HMBOX1: variants seen among roughly 807,000 people sequenced by gnomAD.
HMBOX1 encodes homeobox-containing protein 1.
A neutral mutation model predicts 54.5 loss-of-function variants in HMBOX1; 14 were observed. The observed-to-expected ratio is 0.26, with a 90% CI of 0.17 to 0.40. HMBOX1 has a LOEUF of 0.40. HMBOX1 is among the 10% of genes least tolerant of loss of function. HMBOX1 has a pLI of 1.00. For missense variants in HMBOX1, 332 were observed against 514.4 expected, an observed-to-expected ratio of 0.65 and a Z score of 3.43; for synonymous variants, 160 against 181.0, an observed-to-expected ratio of 0.88 and a Z score of 0.93.
At chr8:29,050,760 T>C (rs927023488) in intron 9 of HMBOX1, 1 of 457,874 alleles carries the variant, frequency 2.2e-6, no homozygotes, top group Non-Finnish European at 3.9e-6. Flanking sequence ...ATCTTATTAA[T>C]AGAATGAATA....
intron 1 of HMBOX1, among the ~76,000 whole-genome samples, chr8:28,908,823 G>A (rs1000787513): frequency 6.6e-6 from 1 of 152,132 alleles, no homozygotes; most frequent in Non-Finnish European, 1.5e-5. Context: ...TCCGGGTGAG[G>A]TGGCTCCTCC....
chr8:29,005,494 G>A (rs957457354), intron 4 of HMBOX1, among the ~76,000 whole-genome samples: 8 of 151,980 alleles, frequency 5.3e-5, no homozygotes, highest in African/African-American at 1.9e-4. Context: ...TATTTCATGA[G>A]CATCTTTCCA....
chr8:29,021,596 CTGTAA>C (rs1307877224), intron 6 of HMBOX1, among the ~76,000 whole-genome samples: 4 of 152,046 alleles, frequency 2.6e-5, no homozygotes, highest in Admixed American at 1.3e-4. Context: ...TGGCTCATGT[CTGTAA>C]TCCCAGCACT....
At chr8:28,892,771 A>C (rs1228784691) in intron 1 of HMBOX1, among the ~76,000 whole-genome samples, 1 of 152,214 alleles carries the variant, frequency 6.6e-6, no homozygotes, top group East Asian at 1.9e-4. Context: ...TCTCAGATGT[A>C]GAATATACAA....
At chr8:29,003,869 A>T (rs1563562986) in intron 4 of HMBOX1, among the ~76,000 whole-genome samples, 1 of 152,102 alleles carries the variant, frequency 6.6e-6, no homozygotes, top group African/African-American at 2.4e-5. Context: ...TTGTGAAATG[A>T]TCTTCTAATT....
At chr8:29,043,820 A>T (rs1027830152) in intron 6 of HMBOX1, among the ~76,000 whole-genome samples, 19 of 152,152 alleles carry the variant, frequency 1.2e-4, no homozygotes, top group African/African-American at 4.1e-4. Flanking sequence ...AGCCATTAGA[A>T]ATGTGAAAGT....
At position 28,963,844 on chromosome 8, in the gene HMBOX1, A is replaced by G; in HGVS notation, c.-24A>G. ...ATAACGCAGATCATCTCTGGAAAGG[A>G]TATTGATCCGCCTCATGTAAAGTAT... On this transcript the variant is annotated 5_prime_UTR_variant, in exon 2 of 10. Coordinates refer to ENST00000287701, the MANE Select transcript of HMBOX1 (RefSeq NM_001135726.3). The G allele has an allele frequency of 6.3e-7, 1 of 1,590,080 alleles. No homozygotes were observed. Among genetic ancestry groups the G allele is most frequent in the Non-Finnish European group, 8.6e-7 (1 of 1,163,684 alleles).
intron 1 of HMBOX1, among the ~76,000 whole-genome samples, chr8:28,917,855 T>C (rs1184080488): frequency 6.6e-6 from 1 of 152,218 alleles, no homozygotes; most frequent in Non-Finnish European, 1.5e-5. Flanking sequence ...TGAATAAACC[T>C]TGCATGTTGT....
At chr8:28,890,222 G>C (rs1026587839), upstream of HMBOX1, 13 of 228,534 alleles carry the variant, frequency 5.7e-5, no homozygotes, top group African/African-American at 2.5e-4. Flanking sequence ...GTGTAGTCCC[G>C]ACGGCTCCGA....
chr8:28,973,803 G>GTTTTTTTTTTTTGTTTT, intron 3 of HMBOX1, among the ~76,000 whole-genome samples: 1 of 72,618 alleles, frequency 1.4e-5, no homozygotes, highest in Non-Finnish European at 2.6e-5. Flanking sequence ...ACATAATGGA[G>GTTTTTTTTTTTTGTTTT]TTTTTTTTTT....
chr8:28,894,045 G>A lies in HMBOX1; in HGVS notation c.-58+3367G>A, dbSNP rs117033400. Among the ~76,000 whole-genome samples, 4 of 152,298 alleles carry A rather than the reference G, an allele frequency of 2.6e-5. No individual in the cohort carries two copies. The East Asian group carries it at 7.7e-4, about 29-fold the overall frequency. On this transcript the variant is annotated intron_variant, in intron 1 of 9. Transcript: ENST00000287701. ...TGAACATTTATAGATAAACCGAATA[G>A]TGCTCATTGAAAATGTGTTGGTTTT...
At chr8:29,028,285 C>T (rs1802389239) in intron 6 of HMBOX1, among the ~76,000 whole-genome samples, 1 of 152,168 alleles carries the variant, frequency 6.6e-6, no homozygotes, top group Admixed American at 6.5e-5. Flanking sequence ...TTTGGTGTCA[C>T]TGCTGTTAAC....
chr8:29,003,555 A>AATATATATACATATATATAT (rs1832976152), intron 4 of HMBOX1, among the ~76,000 whole-genome samples: 1 of 71,312 alleles, frequency 1.4e-5, no homozygotes. Flanking sequence ...TTCTGTATTA[A>AATATATATACATATATATAT]ATATATATAT....
chr8:29,011,714 GT>G (rs113395944), intron 5 of HMBOX1, among the ~76,000 whole-genome samples: 6 of 148,890 alleles, frequency 4.0e-5, no homozygotes, highest in East Asian at 2.0e-4. Context: ...TCCAAAGCTG[GT>G]TTTTTTTTTA....
chr8:28,921,677 A>T (rs377554246), intron 1 of HMBOX1, among the ~76,000 whole-genome samples: 2 of 152,222 alleles, frequency 1.3e-5, no homozygotes, highest in Admixed American at 1.3e-4. Flanking sequence ...ACACATCCTC[A>T]TTTGAAGTAC....
At chr8:29,027,048 A>G (rs181181157) in intron 6 of HMBOX1, among the ~76,000 whole-genome samples, 1 of 152,322 alleles carries the variant, frequency 6.6e-6, no homozygotes, top group Admixed American at 6.5e-5. Flanking sequence ...ACCTGACTAG[A>G]TTTTAATGGA....
At chr8:28,934,117 G>A (rs1051684814) in intron 1 of HMBOX1, among the ~76,000 whole-genome samples, 10 of 151,904 alleles carry the variant, frequency 6.6e-5, no homozygotes, top group Non-Finnish European at 1.3e-4. Context: ...AAAAATAAAA[G>A]GTTAATACCT....
chr8:28,945,291 G>A (rs1174959664), intron 1 of HMBOX1, among the ~76,000 whole-genome samples: 2 of 152,298 alleles, frequency 1.3e-5, no homozygotes, highest in Admixed American at 6.5e-5. Context: ...GGAAATGAGG[G>A]CTTAACAAGA....
chr8:29,006,514 C>T (rs1833477416), intron 4 of HMBOX1, among the ~76,000 whole-genome samples: 1 of 152,206 alleles, frequency 6.6e-6, no homozygotes, highest in Non-Finnish European at 1.5e-5. Context: ...CCATTTTATC[C>T]TTCCATCAGC....
Sources: gnomAD v4.1 joint callset for allele counts (sites outside exome capture counted in the v4.1 genomes callset) on GRCh38, gnomAD v4.1.1 for gene constraint, MANE v1.5 for transcripts, NCBI Gene and HGNC (gene_info 2026-07-23, HGNC 2026-07-21) for gene names.